LEPR: variants seen among roughly 807,000 people sequenced by gnomAD.
The protein encoded by LEPR is leptin receptor.
A neutral mutation model predicts 114.7 loss-of-function variants in LEPR; 56 were observed. The ratio of observed to expected loss-of-function variants is 0.49; its 90% CI spans 0.39 to 0.61. LEPR has a LOEUF of 0.61. Ranked by LOEUF, LEPR falls within the 20% of genes least tolerant of loss-of-function variation. The pLI is 0.00. For synonymous variants in LEPR, 443 were observed against 461.4 expected (o/e 0.96, Z 0.51); for missense variants, 1,202 against 1,352.9 (o/e 0.89, Z 1.75).
intron 5 of LEPR, among the ~76,000 whole-genome samples, chr1:65,578,982 C>T (rs1272699186): frequency 2.0e-5 from 3 of 152,104 alleles, no homozygotes; most frequent in African/African-American, 7.2e-5. Context: ...ATTGAATGTC[C>T]CTGTGGTCAT....
chr1:65,601,734 A>G (rs1194258084), intron 9 of LEPR, 52 bp downstream of exon 9: 2 of 1,611,338 alleles, frequency 1.2e-6, no homozygotes, highest in South Asian at 1.1e-5. Context: ...AATTTTCATT[A>G]TGGACCCTCC....
intron 2 of LEPR, among the ~76,000 whole-genome samples, chr1:65,523,275 A>G (rs531375109): frequency 1.3e-5 from 2 of 152,226 alleles, no homozygotes; most frequent in Non-Finnish European, 2.9e-5. Flanking sequence ...TTATTCTTCA[A>G]AATGCCCAGG....
chr1:65,592,700 A>G lies in LEPR; in HGVS notation c.538A>G (p.Ser180Gly). 6.2e-7 allele frequency: 1 copy of G among 1,613,276 alleles called. No homozygotes were observed. Among genetic ancestry groups the G allele is most frequent in the Non-Finnish European group, 8.5e-7 (1 of 1,179,422 alleles). ...TTCACCTCTGGTTCCCCAAAAAGGC[A>G]GTTTTCAGATGGTTCACTGCAATTG... is the stretch of plus-strand genomic sequence containing the variant. Reference protein sequence around the residue: ...EDSPLVPQKGSFQMVHCNCSV... With the variant: ...EDSPLVPQKGGFQMVHCNCSV... The change falls in exon 6 of 20, where the codon AGT (serine) becomes GGT (glycine). Residue 180 changes from serine to glycine, a missense_variant. Coordinates refer to ENST00000349533, the MANE Select transcript of LEPR (RefSeq NM_002303.6).
intron 2 of LEPR, among the ~76,000 whole-genome samples, chr1:65,451,094 C>T (rs1646778714): frequency 6.6e-6 from 1 of 151,900 alleles, no homozygotes; most frequent in African/African-American, 2.4e-5. Flanking sequence ...AGTGTCTGTT[C>T]ATGTCCTTTG....
intron 2 of LEPR, among the ~76,000 whole-genome samples, chr1:65,472,411 AACACACAC>A (rs71721804): frequency 6.3e-4 from 84 of 133,296 alleles, no homozygotes; most frequent in South Asian, 2.7e-3. Context: ...CTGTGGCTAA[AACACACAC>A]ACACACACAC....
chr1:65,422,517 G>A (rs1046219610), intron 1 of LEPR, among the ~76,000 whole-genome samples: 2 of 152,212 alleles, frequency 1.3e-5, no homozygotes, highest in African/African-American at 4.8e-5. Flanking sequence ...CTTTGTAACG[G>A]CAGCCCTAGG....
At chr1:65,473,117 G>A (rs1416750278) in intron 2 of LEPR, among the ~76,000 whole-genome samples, 2 of 152,168 alleles carry the variant, frequency 1.3e-5, no homozygotes, top group Non-Finnish European at 2.9e-5. Context: ...TACTCTTGAC[G>A]GCTTGCCCTG....
chr1:65,622,160 A>G (rs1456945742), intron 18 of LEPR, among the ~76,000 whole-genome samples: 1 of 152,198 alleles, frequency 6.6e-6, no homozygotes, highest in African/African-American at 2.4e-5. Flanking sequence ...AAAAATGTAC[A>G]TACATTCAGG....
chr1:65,605,155 T>C lies in LEPR; in HGVS notation c.1521T>C (p.Ser507=). The part of the protein sequence containing the change: ...ECIFQPIFLL[S]GYTMWIRINH... ...TTTTCCAGCCAATCTTCCTATTATC[T>C]GGCTACACAATGTGGATTAGGATCA... Residue 507 remains serine, a synonymous_variant, in exon 11 of 20, where the codon TCT becomes TCC. Coordinates refer to ENST00000349533, the MANE Select transcript of LEPR (RefSeq NM_002303.6). 6.2e-7 allele frequency: 1 copy of C among 1,614,168 alleles called. No homozygotes were observed.
chr1:65,434,132 G>T, intron 2 of LEPR: 1 of 983,950 alleles, frequency 1.0e-6, no homozygotes, highest in Non-Finnish European at 1.2e-6. Flanking sequence ...TAAAGTACTT[G>T]CATATAGAGT....
intron 2 of LEPR, among the ~76,000 whole-genome samples, chr1:65,426,654 G>A (rs147792249): frequency 5.7e-4 from 87 of 152,238 alleles, no homozygotes; most frequent in African/African-American, 1.9e-3. Context: ...AACAAGGAGG[G>A]AGAGTTCTTA....
chr1:65,523,399 C>T (rs1467315540), intron 2 of LEPR, among the ~76,000 whole-genome samples: 1 of 151,076 alleles, frequency 6.6e-6, no homozygotes, highest in Non-Finnish European at 1.5e-5. Context: ...CAACCTCTGC[C>T]TCCTGGATTC....
intron 12 of LEPR, among the ~76,000 whole-genome samples, chr1:65,609,639 T>A (rs191586319): frequency 6.6e-6 from 1 of 152,262 alleles, no homozygotes; most frequent in Admixed American, 6.5e-5. Flanking sequence ...AACATCTTTG[T>A]GGGTAGAGGA....
At chr1:65,468,264 G>A (rs1257933011) in intron 2 of LEPR, among the ~76,000 whole-genome samples, 1 of 152,180 alleles carries the variant, frequency 6.6e-6, no homozygotes, top group Non-Finnish European at 1.5e-5. Flanking sequence ...TGGATCTGAG[G>A]AAGGGAAAGA....
intron 7 of LEPR, among the ~76,000 whole-genome samples, chr1:65,597,319 C>T (rs977030232): frequency 1.3e-5 from 2 of 152,128 alleles, no homozygotes; most frequent in African/African-American, 4.8e-5. Flanking sequence ...ATAAAGTCTT[C>T]CTTACTTCCT....
chr1:65,488,226 C>CTCTCTTTCTTTCTTTCTT (rs1553157734), intron 2 of LEPR, among the ~76,000 whole-genome samples: 18 of 67,960 alleles, frequency 2.6e-4, no homozygotes, highest in South Asian at 2.3e-3. Flanking sequence ...CTCTCTCTCT[C>CTCTCTTTCTTTCTTTCTT]TCTTTCTTTC....
chr1:65,513,217 A>G (rs899371507), intron 2 of LEPR, among the ~76,000 whole-genome samples: 2 of 152,186 alleles, frequency 1.3e-5, no homozygotes, highest in Non-Finnish European at 2.9e-5. Flanking sequence ...TGTAACTGGT[A>G]GCTCTGCCTA....
intron 2 of LEPR, among the ~76,000 whole-genome samples, chr1:65,488,309 T>G (rs763460106): frequency 8.3e-5 from 12 of 144,736 alleles, no homozygotes; most frequent in Non-Finnish European, 1.6e-4. Context: ...TCTCTTTCTC[T>G]TTCTCTTTTT....
chr1:65,607,676 A>G (rs1223445787), intron 11 of LEPR, among the ~76,000 whole-genome samples: 1 of 152,224 alleles, frequency 6.6e-6, no homozygotes, highest in African/African-American at 2.4e-5. Context: ...GGCTTCAGAG[A>G]CGCACTGTTA....
Sources: gnomAD v4.1 joint callset for allele counts (sites outside exome capture counted in the v4.1 genomes callset) on GRCh38, gnomAD v4.1.1 for gene constraint, MANE v1.5 for transcripts, NCBI Gene and HGNC (gene_info 2026-07-23, HGNC 2026-07-21) for gene names.